SPINK4: variants seen among roughly 807,000 people sequenced by gnomAD.
SPINK4 encodes serine peptidase inhibitor Kazal type 4.
In SPINK4, 10 loss-of-function variants were observed where a neutral mutation model predicts 12.3. The observed-to-expected ratio is 0.81, with a 90% CI of 0.50 to 1.37. The LOEUF is 1.37. Among genes scored for constraint, SPINK4 ranks in the 40% most tolerant of loss-of-function variants. The pLI is 0.00. For synonymous variants in SPINK4, 37 were observed against 40.2 expected, an observed-to-expected ratio of 0.92 and a Z score of 0.30; for missense variants, 91 against 109.0, an observed-to-expected ratio of 0.84 and a Z score of 0.73.
intron 1 of SPINK4, among the ~76,000 whole-genome samples, chr9:33,244,870 C>T (rs916892624): frequency 6.6e-6 from 1 of 152,160 alleles, no homozygotes. Flanking sequence ...TGGGATCTAA[C>T]TAACAAGGAA....
chr9:33,241,530 G>A (rs1820234610), intron 1 of SPINK4, among the ~76,000 whole-genome samples: 1 of 152,180 alleles, frequency 6.6e-6, no homozygotes, highest in Non-Finnish European at 1.5e-5. Flanking sequence ...TCCCCAGCTG[G>A]AAACAGACCT....
At position 33,246,717 on chromosome 9, in the gene SPINK4, C is replaced by T. The variant is rs775406972; in HGVS notation, c.204C>T (p.Cys68=). 1 of 1,613,920 alleles carries T rather than the reference C, an allele frequency of 6.2e-7. No homozygotes were observed. Among genetic ancestry groups the T allele is most frequent in the South Asian group, 1.1e-5 (1 of 91,076 alleles). ...GLTYTNECQL[C]LARIKTKQDI... ...CATATACGAATGAATGCCAGCTCTG[C>T]TTGGCCCGGATGTAAGTCTGCCCCA... The change falls in exon 3 of 4, where the codon TGC becomes TGT. Residue 68 remains cysteine, a synonymous_variant. Transcript: ENST00000379721.
chr9:33,243,618 CTTGTT>C (rs1255026111), intron 1 of SPINK4, among the ~76,000 whole-genome samples: 1 of 152,162 alleles, frequency 6.6e-6, no homozygotes, highest in Non-Finnish European at 1.5e-5. Context: ...GTATCAGTTG[CTTGTT>C]TTAATTGTTC....
rs1820303826 is a variant in SPINK4, at chr9:33,248,098, AC to A, written c.216-327del. Reference sequence around the variant, plus strand: ...CTGTGGGGGGCAGTGATGTTTGTGGACAGTTGAGCCCCTAGGACATCCCACT... The same window carrying A: ...CTGTGGGGGGCAGTGATGTTTGTGGAAGTTGAGCCCCTAGGACATCCCACT... On this transcript the variant is annotated intron_variant, in intron 3 of 3. Transcript: ENST00000379721. The A allele has an allele frequency of 5.0e-5, 15 of 301,008 alleles. 1 individual carries two copies. The South Asian group carries it at 7.7e-4, about 16-fold the overall frequency. 18.6% of individuals were successfully genotyped at this position (301,008 alleles called of 1,614,324 possible).
At chr9:33,247,160 A>ATTTTT (rs34574251) in intron 3 of SPINK4, among the ~76,000 whole-genome samples, 1 of 135,964 alleles carries the variant, frequency 7.4e-6, no homozygotes, top group Non-Finnish European at 1.6e-5. Context: ...GCAGCACAGA[A>ATTTTT]TTTTTTTTTT....
intron 1 of SPINK4, 85 bp from the exon 2 acceptor site, chr9:33,245,027 C>A: frequency 1.4e-6 from 2 of 1,384,100 alleles, no homozygotes; most frequent in Admixed American, 2.2e-5. Context: ...CTGGACCAAG[C>A]TCCCTGAAGC....
intron 1 of SPINK4, among the ~76,000 whole-genome samples, chr9:33,241,683 GTTTGTTTTTGTT>G (rs76824410): frequency 4.0e-5 from 6 of 151,290 alleles, no homozygotes; most frequent in African/African-American, 1.5e-4. Context: ...GTTTTTGTTT[GTTTGTTTTTGTT>G]TTTGTTTTTT....
chr9:33,246,485 A>G (rs1362921767), intron 2 of SPINK4, 131 bp from the exon 3 acceptor site: 1 of 707,874 alleles, frequency 1.4e-6, no homozygotes, highest in African/African-American at 1.7e-5. Context: ...TTTCATCTTC[A>G]CTGGACCCAC....
intron 1 of SPINK4, among the ~76,000 whole-genome samples, chr9:33,243,609 T>C (rs1820260200): frequency 2.6e-5 from 4 of 152,230 alleles, no homozygotes; most frequent in Admixed American, 1.3e-4. Context: ...TTATTGCATG[T>C]ATCAGTTGCT....
At chr9:33,248,385 T>A (rs745773781) in intron 3 of SPINK4, 41 bp from the exon 4 acceptor site, 1 of 1,611,378 alleles carries the variant, frequency 6.2e-7, no homozygotes, top group South Asian at 1.1e-5. Context: ...ACACTACAGC[T>A]CCTGAGAAGG....
chr9:33,241,375 G>T, intron 1 of SPINK4, among the ~76,000 whole-genome samples: 1 of 152,316 alleles, frequency 6.6e-6, no homozygotes, highest in East Asian at 1.9e-4. Flanking sequence ...TCTTTCAAGG[G>T]TTGCTCTGGT....
At position 33,246,633 on chromosome 9, in the gene SPINK4, G is replaced by A; in HGVS notation, c.120G>A (p.Met40Ile). ...PFSRMPICEH[M>I]VESPTCSQMS... ...TTCCACAGCCCATCTGTGAACACAT[G>A]GTAGAGTCTCCAACCTGTTCCCAGA... The change falls in exon 3 of 4, where the codon ATG (methionine) becomes ATA (isoleucine). Residue 40 changes from methionine to isoleucine, a missense_variant. Coordinates refer to ENST00000379721, the MANE Select transcript of SPINK4 (RefSeq NM_014471.3). The A allele has an allele frequency of 6.2e-7, 1 of 1,613,884 alleles. No homozygotes were observed. Among genetic ancestry groups the A allele is most frequent in the Non-Finnish European group, 8.5e-7 (1 of 1,179,916 alleles).
In SPINK4 at chr9:33,246,711, G is replaced by A. The variant is rs908480962; in HGVS notation, c.198G>A (p.Gln66=). 6.2e-7 allele frequency: 1 copy of A among 1,613,922 alleles called. No individual in the cohort carries two copies. The highest frequency in any genetic ancestry group is 8.5e-7 in the Non-Finnish European group (1 of 1,179,982). ...GGCTCACATATACGAATGAATGCCA[G>A]CTCTGCTTGGCCCGGATGTAAGTCT... ...TDGLTYTNEC[Q]LCLARIKTKQ... The change falls in exon 3 of 4, where the codon CAG becomes CAA. Residue 66 remains glutamine, a synonymous_variant. Coordinates refer to ENST00000379721, the MANE Select transcript of SPINK4 (RefSeq NM_014471.3).
At chr9:33,244,900 C>T (rs141177157) in intron 1 of SPINK4, among the ~76,000 whole-genome samples, 5 of 152,298 alleles carry the variant, frequency 3.3e-5, no homozygotes, top group Non-Finnish European at 7.3e-5. Flanking sequence ...CTGTCACCTT[C>T]CTAATTTTTG....
intron 1 of SPINK4, among the ~76,000 whole-genome samples, chr9:33,242,418 C>T (rs1031685676): frequency 2.0e-5 from 3 of 149,190 alleles, no homozygotes; most frequent in Non-Finnish European, 3.0e-5. Flanking sequence ...GGGAGGAGAA[C>T]GGAGACGAAG....
chr9:33,247,211 T>G lies in SPINK4; in HGVS notation c.215+483T>G, dbSNP rs1820295801. Among the ~76,000 whole-genome samples, 3 of 146,986 alleles carry G rather than the reference T, an allele frequency of 2.0e-5. No homozygotes were observed. In the Admixed American group the frequency reaches 2.1e-4, roughly 10 times the overall value. On this transcript the variant is annotated intron_variant, in intron 3 of 3. Coordinates refer to ENST00000379721, the MANE Select transcript of SPINK4 (RefSeq NM_014471.3). ...ACTCTCACTGTCACTCAGGCTGGAGTGCAGTGGCACGATCTTGGCTCATTG... is the reference window on the plus strand; with the variant it reads ...ACTCTCACTGTCACTCAGGCTGGAGGGCAGTGGCACGATCTTGGCTCATTG...
chr9:33,246,280 A>C (rs563994355), intron 2 of SPINK4, among the ~76,000 whole-genome samples: 1 of 152,190 alleles, frequency 6.6e-6, no homozygotes, highest in Admixed American at 6.5e-5. Context: ...AGAGGGTGTG[A>C]ACAAGTCCCC....
chr9:33,246,542 T>A, intron 2 of SPINK4, 74 bp from the exon 3 acceptor site: 2 of 1,359,598 alleles, frequency 1.5e-6, no homozygotes, highest in Non-Finnish European at 2.1e-6. Flanking sequence ...CCCCACTGGT[T>A]CCGAGCAGAA....
intron 3 of SPINK4, chr9:33,248,045 A>G: frequency 5.1e-6 from 1 of 197,524 alleles, no homozygotes; most frequent in Non-Finnish European, 1.0e-5. Context: ...ATGGGCTGAG[A>G]TGGGTGGTTT....
Sources: allele counts gnomAD v4.1 joint callset (sites outside exome capture counted in the v4.1 genomes callset), GRCh38; gene constraint gnomAD v4.1.1; transcripts MANE v1.5; gene names NCBI Gene and HGNC (gene_info 2026-07-23, HGNC 2026-07-21).